EXOC6B: variants seen among roughly 807,000 people sequenced by gnomAD.
EXOC6B encodes exocyst complex component 6B, also known as SEC15 homolog B.
In EXOC6B, 54 loss-of-function variants were observed where a neutral mutation model predicts 113.5. The observed-to-expected ratio is 0.48, with a 90% CI of 0.38 to 0.60. EXOC6B has a LOEUF of 0.60. Among genes scored for constraint, EXOC6B ranks in the 20% least tolerant of loss-of-function variants. The pLI, the probability that EXOC6B is intolerant of heterozygous loss-of-function variation, is 0.00. For synonymous variants in EXOC6B, 357 were observed against 339.0 expected, an observed-to-expected ratio of 1.05 and a Z score of -0.58; for missense variants, 797 against 977.5, an observed-to-expected ratio of 0.82 and a Z score of 2.46.
intron 1 of EXOC6B, among the ~76,000 whole-genome samples, chr2:72,819,596 A>G (rs1435949002): frequency 6.6e-6 from 1 of 152,084 alleles, no homozygotes; most frequent in East Asian, 1.9e-4. Flanking sequence ...AAAGGAAACA[A>G]AAAAAATAGG....
chr2:72,441,457 C>CT (rs1390651167), intron 18 of EXOC6B, among the ~76,000 whole-genome samples: 7 of 149,868 alleles, frequency 4.7e-5, no homozygotes, highest in African/African-American at 1.5e-4. Flanking sequence ...AATAAAGAAA[C>CT]TTTTTTTGAA....
chr2:72,292,358 A>C (rs1315958553), intron 20 of EXOC6B, among the ~76,000 whole-genome samples: 1 of 152,090 alleles, frequency 6.6e-6, no homozygotes, highest in Non-Finnish European at 1.5e-5. Context: ...AAATAGGCTC[A>C]CAAGTAGTTG....
intron 8 of EXOC6B, among the ~76,000 whole-genome samples, chr2:72,519,457 C>T (rs555462198): frequency 6.6e-6 from 1 of 152,288 alleles, no homozygotes; most frequent in South Asian, 2.1e-4. Context: ...GTAGATAAAA[C>T]TCCTCTCAGG....
intron 19 of EXOC6B, among the ~76,000 whole-genome samples, chr2:72,370,418 T>C (rs1335466610): frequency 1.3e-5 from 2 of 152,222 alleles, no homozygotes; most frequent in African/African-American, 4.8e-5. Flanking sequence ...TTGGTGGGAC[T>C]GTAAACCGGT....
At chr2:72,603,272 G>A (rs1402820691) in intron 6 of EXOC6B, among the ~76,000 whole-genome samples, 1 of 151,990 alleles carries the variant, frequency 6.6e-6, no homozygotes, top group African/African-American at 2.4e-5. Context: ...GGGAGACAAG[G>A]TGGAATAGAA....
rs528579263 is a variant in EXOC6B, at chr2:72,614,171, T to G, written c.670-38503A>C. 2.1e-4 allele frequency among the ~76,000 whole-genome samples: 32 copies of G among 152,234 alleles called. 1 individual carries two copies. The East Asian group carries it at 5.6e-3, about 27-fold the overall frequency. On this transcript the variant is annotated intron_variant, in intron 6 of 21. Coordinates refer to ENST00000272427, the MANE Select transcript of EXOC6B (RefSeq NM_015189.3). ...AATGAATACACAAAGGGAATAGGAA[T>G]TAGCGCCTCTGGCTTATGCAAGGCA...
chr2:72,818,311 ATTTT>A (rs1183950982), intron 1 of EXOC6B, among the ~76,000 whole-genome samples: 1 of 117,842 alleles, frequency 8.5e-6, no homozygotes, highest in South Asian at 2.7e-4. Context: ...GGCCCAGCTA[ATTTT>A]TTTTTTTTTT....
chr2:72,806,508 T>C (rs1685583350), intron 1 of EXOC6B, among the ~76,000 whole-genome samples: 1 of 152,204 alleles, frequency 6.6e-6, no homozygotes, highest in Non-Finnish European at 1.5e-5. Flanking sequence ...TGCCTGTGTC[T>C]TTTTGGAAGA....
intron 20 of EXOC6B, among the ~76,000 whole-genome samples, chr2:72,244,468 A>G (rs562676972): frequency 6.6e-6 from 1 of 152,304 alleles, no homozygotes; most frequent in South Asian, 2.1e-4. Flanking sequence ...ATCTAAAATC[A>G]ATAATCTAAG....
At chr2:72,670,268 T>C (rs1675699231) in intron 6 of EXOC6B, among the ~76,000 whole-genome samples, 1 of 152,212 alleles carries the variant, frequency 6.6e-6, no homozygotes, top group Admixed American at 6.5e-5. Flanking sequence ...TTCATTTTAT[T>C]TCCTGTTTAT....
rs546202294 is a variant in EXOC6B, at chr2:72,647,661, C to G, written c.669+70442G>C. ...ACCATCTGAGCTTTGACAAACCTGA[C>G]AAAAACAAGAAATGGGGAAACGATT... On this transcript the variant is annotated intron_variant, in intron 6 of 21. Transcript: ENST00000272427. 8.9e-4 allele frequency among the ~76,000 whole-genome samples: 135 copies of G among 152,158 alleles called. 1 individual carries two copies. The highest frequency in any genetic ancestry group is 1.4e-3 in the Non-Finnish European group (98 of 67,996).
chr2:72,183,540 C>T (rs1678225127), intron 21 of EXOC6B, among the ~76,000 whole-genome samples: 1 of 152,214 alleles, frequency 6.6e-6, no homozygotes, highest in Non-Finnish European at 1.5e-5. Flanking sequence ...TTCTCCAACA[C>T]AGCTTTGTTG....
At chr2:72,768,274 T>A (rs1247632942) in intron 1 of EXOC6B, among the ~76,000 whole-genome samples, 1 of 148,056 alleles carries the variant, frequency 6.8e-6, no homozygotes, top group African/African-American at 2.5e-5. Context: ...TCTATTCCCC[T>A]AGGAGAATGC....
intron 1 of EXOC6B, among the ~76,000 whole-genome samples, chr2:72,779,132 G>C (rs1683883099): frequency 6.6e-6 from 1 of 151,822 alleles, no homozygotes; most frequent in Non-Finnish European, 1.5e-5. Context: ...CCATGATACA[G>C]GGTGACAGTA....
intron 20 of EXOC6B, among the ~76,000 whole-genome samples, chr2:72,187,079 G>C (rs1410659027): frequency 1.3e-5 from 2 of 152,178 alleles, no homozygotes; most frequent in African/African-American, 4.8e-5. Context: ...GCTGCCATGG[G>C]GTGGGCAGCT....
intron 20 of EXOC6B, among the ~76,000 whole-genome samples, chr2:72,334,176 A>C (rs1485806195): frequency 6.6e-6 from 1 of 151,956 alleles, no homozygotes; most frequent in Non-Finnish European, 1.5e-5. Context: ...GAGTGAAGAG[A>C]TGACAGAGCC....
chr2:72,805,254 T>G (rs933725963), intron 1 of EXOC6B, among the ~76,000 whole-genome samples: 6 of 152,236 alleles, frequency 3.9e-5, no homozygotes, highest in African/African-American at 1.4e-4. Flanking sequence ...CTTTTTCTTT[T>G]TTAGAATTAA....
At chr2:72,632,150 T>C (rs2104283169) in intron 6 of EXOC6B, among the ~76,000 whole-genome samples, 1 of 152,208 alleles carries the variant, frequency 6.6e-6, no homozygotes. Context: ...AATAGAAGTA[T>C]GAACATGGGA....
Position 72,204,554 on chromosome 2 carries a change from A to AC in EXOC6B, c.2197-20368_2197-20367insG, listed in dbSNP as rs1679710926. Among the ~76,000 whole-genome samples the AC allele has an allele frequency of 3.4e-5, 3 of 89,384 alleles. No homozygotes were observed. The South Asian group carries it at 6.9e-4, about 20-fold the overall frequency. The allele number at this position is 89,384 out of a possible 152,430, so 58.6% of individuals were successfully genotyped here. On this transcript the variant is annotated intron_variant, in intron 20 of 21. Coordinates refer to ENST00000272427, the MANE Select transcript of EXOC6B (RefSeq NM_015189.3). ...TTAAAGGGGAGAAGACCAGAAGAAG[A>AC]AAAAAAAAAAAGCAGGTGACCTCCT...
Sources: allele counts gnomAD v4.1 joint callset (sites outside exome capture counted in the v4.1 genomes callset), GRCh38; gene constraint gnomAD v4.1.1; transcripts MANE v1.5; gene names NCBI Gene and HGNC (gene_info 2026-07-23, HGNC 2026-07-21).